Variants in MYL6B observed in about 807,000 individuals in gnomAD.
MYL6B encodes myosin light chain 6B, also known as myosin alkali light chain 1 slow a.
In MYL6B, 19 loss-of-function variants were observed where a neutral mutation model predicts 24.5. The ratio of observed to expected loss-of-function variants is 0.78; its 90% CI spans 0.54 to 1.14. The LOEUF is 1.14. Ranked by LOEUF, MYL6B falls within the 50% of genes most tolerant of loss-of-function variation. The pLI is 0.00. For missense variants in MYL6B, 230 were observed against 263.8 expected (o/e 0.87, Z 0.89); for synonymous variants, 90 against 100.7 (o/e 0.89, Z 0.64).
At chr12:56,154,708 C>G (rs887585923) in intron 2 of MYL6B, 105 bp from the exon 3 acceptor site, 3 of 1,314,418 alleles carry the variant, frequency 2.3e-6, no homozygotes, top group South Asian at 1.4e-5. Context: ...CCAGCCTGGT[C>G]CCTTTGGGCC....
chr12:56,153,197 T>C (rs1256739367), intron 1 of MYL6B, among the ~76,000 whole-genome samples: 1 of 152,080 alleles, frequency 6.6e-6, no homozygotes, highest in Admixed American at 6.5e-5. Flanking sequence ...GTAGCAGATG[T>C]TAAACCTGAT....
exon 7 of MYL6B, chr12:56,157,780 C>G: frequency 6.3e-7 from 1 of 1,594,710 alleles, no homozygotes; most frequent in Non-Finnish European, 8.5e-7. Flanking sequence ...AGGCAAGTCT[C>G]CCGCCCTTCT....
At chr12:56,155,458 C>T (rs1261804917) in exon 5 of MYL6B, 3 of 1,614,028 alleles carry the variant, frequency 1.9e-6, no homozygotes, top group Non-Finnish European at 2.5e-6. Flanking sequence ...ACTTTCCTGC[C>T]CATGCTCCAG....
rs1592258337 is a variant in MYL6B at position 56,157,699 on chromosome 12, C to T, written c.600C>T (p.Ala200=). The change falls in exon 7 of 7, where the codon GCC becomes GCT. Residue 200 remains alanine, a splice_region_variant and synonymous_variant. Coordinates refer to ENST00000553066, the Ensembl canonical transcript of MYL6B. ...CCCTCTTGCCTCCTCTCTCTGCAGC[C>T]TTCTTGAAACACATCCTAAGCGTCT... 4 of 1,612,916 alleles carry T rather than the reference C, an allele frequency of 2.5e-6. No homozygotes were observed. The African/African-American group carries it at 4.0e-5, about 16-fold the overall frequency.
Position 56,157,749 on chromosome 12 carries a change from AC to A in MYL6B, c.*27del. On this transcript the variant is annotated 3_prime_UTR_variant, in exon 7 of 7. Transcript: ENST00000553066. ...TGAGTGCTGCAGGTAGGGCCCTCCCACCCCTTCGCCGCGCCTTACGAGGCAA... is the reference window on the plus strand; with the variant it reads ...TGAGTGCTGCAGGTAGGGCCCTCCCACCCTTCGCCGCGCCTTACGAGGCAA... 1 of 1,609,164 alleles carries A rather than the reference AC, an allele frequency of 6.2e-7. No individual in the cohort carries two copies.
intron 5 of MYL6B, chr12:56,156,076 C>T (rs1413456858): frequency 1.9e-6 from 2 of 1,046,218 alleles, no homozygotes; most frequent in East Asian, 9.6e-5. Flanking sequence ...GAGACCAAGG[C>T]GGGCGGATCA....
At chr12:56,154,784 C>T in intron 2 of MYL6B, 29 bp from the exon 3 acceptor site, 1 of 1,607,146 alleles carries the variant, frequency 6.2e-7, no homozygotes, top group Non-Finnish European at 8.5e-7. Context: ...AAACTCTCAT[C>T]TCTCCCCACC....
chr12:56,153,324 C>A, intron 1 of MYL6B: 1 of 603,610 alleles, frequency 1.7e-6, no homozygotes, highest in Non-Finnish European at 2.1e-6. Flanking sequence ...CAGTTCTTGG[C>A]TGGGTGGGGG....
intron 1 of MYL6B, among the ~76,000 whole-genome samples, chr12:56,153,210 T>C: frequency 6.6e-6 from 1 of 152,078 alleles, no homozygotes; most frequent in Non-Finnish European, 1.5e-5. Context: ...AACCTGATCT[T>C]TGCCCCCACT....
exon 2 of MYL6B, chr12:56,153,981 T>G (rs1871209825): frequency 1.2e-6 from 2 of 1,614,050 alleles, no homozygotes; most frequent in South Asian, 1.1e-5. Flanking sequence ...CCAAACCTGC[T>G]GCTAAGCCAG....
At chr12:56,153,193 G>A (rs1207331532) in intron 1 of MYL6B, among the ~76,000 whole-genome samples, 2 of 152,120 alleles carry the variant, frequency 1.3e-5, no homozygotes, top group African/African-American at 4.8e-5. Context: ...ATGGGTAGCA[G>A]ATGTTAAACC....
At chr12:56,154,675 A>C in intron 2 of MYL6B, 138 bp from the exon 3 acceptor site, 3 of 882,144 alleles carry the variant, frequency 3.4e-6, no homozygotes, top group Non-Finnish European at 5.3e-6. Context: ...AGAGCTGGGA[A>C]TGGGACTGAG....
intron 5 of MYL6B, 165 bp downstream of exon 5, chr12:56,155,757 T>C (rs1871284115): frequency 3.9e-6 from 6 of 1,530,506 alleles, no homozygotes; most frequent in Middle Eastern, 1.7e-4. Context: ...TCTGAAGGAC[T>C]CGCTCTTCCA....
At chr12:56,157,824 C>T (rs1871399994) in exon 7 of MYL6B, 13 of 1,461,822 alleles carry the variant, frequency 8.9e-6, no homozygotes, top group Non-Finnish European at 1.2e-5. Flanking sequence ...GGAGTTCATT[C>T]TGCTGTCCGG....
exon 6 of MYL6B, chr12:56,157,488 G>A: frequency 6.2e-7 from 1 of 1,614,156 alleles, no homozygotes; most frequent in Non-Finnish European, 8.5e-7. Flanking sequence ...GACTGAGGAG[G>A]AGGTGGAGAC....
At chr12:56,154,336 G>A (rs1871226751) in intron 2 of MYL6B, among the ~76,000 whole-genome samples, 1 of 152,196 alleles carries the variant, frequency 6.6e-6, no homozygotes, top group Non-Finnish European at 1.5e-5. Context: ...ACCCCCTGCT[G>A]GAGGCAGGGA....
At chr12:56,154,125 G>T in intron 2 of MYL6B, 33 bp downstream of exon 2, 6 of 1,594,344 alleles carry the variant, frequency 3.8e-6, no homozygotes, top group Non-Finnish European at 5.1e-6. Flanking sequence ...TAGAATTGGA[G>T]GGGGTGGTTT....
chr12:56,155,440 A>ACTTTGAGACTTTCCTGCC, exon 5 of MYL6B: 1 of 1,614,068 alleles, frequency 6.2e-7, no homozygotes, highest in Non-Finnish European at 8.5e-7. Flanking sequence ...CGGCGTGTGG[A>ACTTTGAGACTTTCCTGCC]CTTTGAGACT....
exon 5 of MYL6B, chr12:56,155,587 C>A (rs533816902): frequency 2.5e-6 from 4 of 1,612,400 alleles, no homozygotes; most frequent in Non-Finnish European, 3.4e-6. Flanking sequence ...GTTCTCACCA[C>A]CCTTGGTGAG....
Sources: allele counts gnomAD v4.1 joint callset (sites outside exome capture counted in the v4.1 genomes callset), GRCh38; gene constraint gnomAD v4.1.1; transcripts MANE v1.5; gene names NCBI Gene and HGNC (gene_info 2026-07-23, HGNC 2026-07-21).